UBE3C: variants seen among roughly 807,000 people sequenced by gnomAD.
UBE3C encodes ubiquitin-protein ligase E3C.
UBE3C carries 42 observed loss-of-function variants against 129.4 expected under a neutral mutation model. That is an observed-to-expected ratio of 0.32 (90% CI 0.25 to 0.42). The LOEUF (loss-of-function observed/expected upper bound fraction) is 0.42. Ranked by LOEUF, UBE3C falls within the 10% of genes least tolerant of loss-of-function variation. The pLI is 1.00. For synonymous variants in UBE3C, 510 were observed against 492.4 expected, an observed-to-expected ratio of 1.04 and a Z score of -0.47; for missense variants, 1,049 against 1,319.1, an observed-to-expected ratio of 0.80 and a Z score of 3.17.
At chr7:157,204,064 T>TATGG (rs979731462) in intron 11 of UBE3C, among the ~76,000 whole-genome samples, 5 of 152,186 alleles carry the variant, frequency 3.3e-5, no homozygotes, top group Admixed American at 3.3e-4. Context: ...CAGAATGGTT[T>TATGG]ATGGATACTC....
intron 17 of UBE3C, among the ~76,000 whole-genome samples, chr7:157,226,913 A>G (rs1276894945): frequency 6.6e-6 from 1 of 152,192 alleles, no homozygotes; most frequent in Admixed American, 6.5e-5. Flanking sequence ...GAGACTAGGT[A>G]CTTTGACTCC....
chr7:157,217,153 A>G (rs1255972597), intron 14 of UBE3C, 182 bp downstream of exon 14: 12 of 478,856 alleles, frequency 2.5e-5, no homozygotes, highest in Non-Finnish European at 4.0e-5. Flanking sequence ...TAGCAGTATC[A>G]TTGACTTAAA....
rs920961384 is a variant in UBE3C at position 157,225,641 on chromosome 7, A to T, written c.2233+102A>T. The T allele has an allele frequency of 2.3e-6, 3 of 1,331,228 alleles. No individual in the cohort carries two copies. In the African/African-American group the frequency reaches 4.5e-5, roughly 20 times the overall value. The allele number at this position is 1,331,228 out of a possible 1,614,324, so 82.5% of individuals were successfully genotyped here. A position where few individuals can be genotyped will look rare whatever the true frequency, so the allele number is the denominator to read the frequency against. On this transcript the variant is annotated intron_variant, in intron 17 of 22. Coordinates refer to ENST00000348165, the MANE Select transcript of UBE3C (RefSeq NM_014671.3). ...AAATTAGTGTCCATCATCTTGTTCC[A>T]TAATGACTTAAAAACTGAAATGTGA...
At chr7:157,219,270 C>G (rs1028796127) in intron 14 of UBE3C, among the ~76,000 whole-genome samples, 17 of 152,192 alleles carry the variant, frequency 1.1e-4, no homozygotes, top group African/African-American at 3.9e-4. Flanking sequence ...TCAGCTGAAC[C>G]CAGCAGTGTG....
chr7:157,225,669 C>A, intron 17 of UBE3C, 130 bp downstream of exon 17: 1 of 1,061,654 alleles, frequency 9.4e-7, no homozygotes, highest in Non-Finnish European at 1.3e-6. Flanking sequence ...AAATGTGAGG[C>A]TGGGCATGGC....
intron 1 of UBE3C, among the ~76,000 whole-genome samples, chr7:157,163,300 T>C (rs1048903823): frequency 6.8e-6 from 1 of 146,802 alleles, no homozygotes; most frequent in Non-Finnish European, 1.5e-5. Flanking sequence ...GGCAGGAGAA[T>C]GGCGTGAACC....
intron 1 of UBE3C, among the ~76,000 whole-genome samples, chr7:157,143,630 T>C (rs1246055709): frequency 6.6e-6 from 1 of 152,194 alleles, no homozygotes; most frequent in Non-Finnish European, 1.5e-5. Context: ...TGTTTCCACC[T>C]GATAACCTCA....
chr7:157,192,977 A>G (rs1335138155), intron 10 of UBE3C: 2 of 589,842 alleles, frequency 3.4e-6, no homozygotes, highest in Non-Finnish European at 6.0e-6. Context: ...TTGAATCTGT[A>G]AATCTTTTAA....
chr7:157,224,015 T>G (rs534077185), intron 16 of UBE3C, among the ~76,000 whole-genome samples: 1 of 150,548 alleles, frequency 6.6e-6, no homozygotes, highest in East Asian at 1.9e-4. Context: ...GAAACGATGT[T>G]TTTTTTTTTC....
intron 1 of UBE3C, among the ~76,000 whole-genome samples, chr7:157,147,089 T>C (rs1019842488): frequency 6.6e-6 from 1 of 152,210 alleles, no homozygotes; most frequent in East Asian, 1.9e-4. Flanking sequence ...GGAATTTTGA[T>C]TGGGATTGTG....
In UBE3C at chr7:157,182,373, G is replaced by A. The variant is rs772999245; in HGVS notation, c.991+45G>A. On this transcript the variant is annotated intron_variant, in intron 8 of 22. Coordinates refer to ENST00000348165, the MANE Select transcript of UBE3C (RefSeq NM_014671.3). ...TTTTACCTGAACACACATATGGGTAGCATTGGCAGATGAGTCAAGAGAAGG... is the reference window on the plus strand; with the variant it reads ...TTTTACCTGAACACACATATGGGTAACATTGGCAGATGAGTCAAGAGAAGG... 5.0e-6 allele frequency: 8 copies of A among 1,586,016 alleles called. No individual in the cohort carries two copies. In the South Asian group the frequency reaches 5.7e-5, roughly 11 times the overall value.
intron 18 of UBE3C, among the ~76,000 whole-genome samples, chr7:157,239,983 G>A (rs1052719795): frequency 5.3e-5 from 8 of 152,190 alleles, no homozygotes; most frequent in Non-Finnish European, 1.2e-4. Flanking sequence ...CTGCATCACC[G>A]GGGGATCTAT....
At chr7:157,204,229 G>A (rs1809367301) in intron 11 of UBE3C, among the ~76,000 whole-genome samples, 1 of 151,728 alleles carries the variant, frequency 6.6e-6, no homozygotes, top group Non-Finnish European at 1.5e-5. Context: ...TTCTGAAACT[G>A]GCACTCAATT....
intron 2 of UBE3C, among the ~76,000 whole-genome samples, chr7:157,164,132 A>G (rs1298417533): frequency 1.3e-5 from 2 of 152,084 alleles, no homozygotes; most frequent in East Asian, 1.9e-4. Flanking sequence ...AGAAAGCCGT[A>G]TTATAAATAT....
chr7:157,262,408 G>GTTTTT (rs1247521634), intron 22 of UBE3C, among the ~76,000 whole-genome samples: 14 of 19,700 alleles, frequency 7.1e-4, no homozygotes, highest in Non-Finnish European at 1.6e-3. Flanking sequence ...CTCTTCATAG[G>GTTTTT]CTTTTTTTTT....
intron 18 of UBE3C, among the ~76,000 whole-genome samples, chr7:157,237,258 G>A (rs750683045): frequency 4.0e-5 from 6 of 151,720 alleles, no homozygotes; most frequent in African/African-American, 1.2e-4. Context: ...TGGCTAACAC[G>A]GTGAAACCCC....
chr7:157,161,533 C>T (rs1808070948), intron 1 of UBE3C, among the ~76,000 whole-genome samples: 1 of 151,752 alleles, frequency 6.6e-6, no homozygotes, highest in Non-Finnish European at 1.5e-5. Flanking sequence ...CTCACTGCAG[C>T]CTCAGCCTCC....
In UBE3C at chr7:157,260,401, GGT is replaced by G. The variant is rs561211021; in HGVS notation, c.3081+3358_3081+3359del. 1.8e-3 allele frequency among the ~76,000 whole-genome samples: 275 copies of G among 152,236 alleles called. 1 individual carries two copies. The highest frequency in any genetic ancestry group is 2.0e-3 in the Non-Finnish European group (134 of 68,018). On this transcript the variant is annotated intron_variant, in intron 22 of 22. Transcript: ENST00000348165. ...AGGTTCGTGTGTGAAGAAATAGATG[GGT>G]CCCCTTCAGAGTTTGAAGCATGACC...
chr7:157,215,520 CTA>C (rs953952873), intron 13 of UBE3C, among the ~76,000 whole-genome samples: 2 of 146,218 alleles, frequency 1.4e-5, no homozygotes, highest in African/African-American at 2.5e-5. Context: ...CAATTTATAA[CTA>C]TAATATAAAT....
Sources: allele counts gnomAD v4.1 joint callset (sites outside exome capture counted in the v4.1 genomes callset), GRCh38; gene constraint gnomAD v4.1.1; transcripts MANE v1.5; gene names NCBI Gene and HGNC (gene_info 2026-07-23, HGNC 2026-07-21).